GZF1: variants seen among roughly 807,000 people sequenced by gnomAD.
The protein encoded by GZF1 is GDNF inducible zinc finger protein 1, also known as GDNF-inducible zinc finger protein 1.
GZF1 carries 28 observed loss-of-function variants against 49.4 expected under a neutral mutation model. The observed-to-expected ratio is 0.57, with a 90% CI of 0.42 to 0.78. GZF1 has a LOEUF of 0.78. Among genes scored for constraint, GZF1 ranks in the 30% least tolerant of loss-of-function variants. The pLI is 0.00. For synonymous variants in GZF1, 364 were observed against 356.0 expected (o/e 1.02, Z -0.25); for missense variants, 798 against 916.2 (o/e 0.87, Z 1.67).
chr20:23,369,701 G>A lies in GZF1; in HGVS notation c.1745G>A (p.Arg582Gln), dbSNP rs773719615. The A allele has an allele frequency of 3.1e-6, 5 of 1,613,758 alleles. No homozygotes were observed. The highest frequency in any genetic ancestry group is 1.7e-5 in the Admixed American group (1 of 59,900). The change falls in exon 5 of 6, where the codon CGG becomes CAG. Residue 582 changes from arginine (R) to glutamine (Q), a missense_variant. By Grantham distance (43) the Arg-to-Gln change is conservative (BLOSUM62 1). Around this residue, in one of 3 missense-constraint regions of GZF1, gnomAD observed 446 missense variants for 540.1 expected, o/e 0.83. Coordinates refer to ENST00000338121, the MANE Select transcript of GZF1 (RefSeq NM_022482.5). ...CCATTCATGTGCAATGCGTGCGGAC[G>A]GACATTCACCGACAAGTCCACTCTT... is the stretch of plus-strand genomic sequence containing the variant. ...ERPFMCNACG[R>Q]TFTDKSTLRR...
At chr20:23,369,040 G>A (rs995360100) in intron 4 of GZF1, 111 bp downstream of exon 4, 91 of 890,210 alleles carry the variant, frequency 1.0e-4, no homozygotes, top group Middle Eastern at 2.3e-4. Flanking sequence ...AAGAAAACTG[G>A]CCAAACTTTG....
At chr20:23,369,317 A>G (rs1981787973) in intron 4 of GZF1, among the ~76,000 whole-genome samples, 1 of 152,226 alleles carries the variant, frequency 6.6e-6, no homozygotes, top group Non-Finnish European at 1.5e-5. Context: ...ATACTCCATT[A>G]CCATGGAAAA....
Position 23,365,158 on chromosome 20 carries a change from A to G in GZF1, c.775A>G (p.Arg259Gly), listed in dbSNP as rs770916261. The G allele has an allele frequency of 1.9e-6, 3 of 1,613,774 alleles. No individual in the cohort carries two copies. The South Asian group carries it at 3.3e-5, about 18-fold the overall frequency. ...TGCTGAGGGTGATGTGGGGGACTAC[A>G]GGTGTCCCCAGGACCAAAGCCCGGA... is the stretch of plus-strand genomic sequence containing the variant. Reference protein sequence around the residue: ...KTAEGDVGDYRCPQDQSPDRV... With the variant: ...KTAEGDVGDYGCPQDQSPDRV... The change falls in exon 2 of 6, where the codon AGG (arginine) becomes GGG (glycine). Residue 259 changes from arginine to glycine, a missense_variant. This residue lies in a region of GZF1 where 247 missense variants were observed against 228.5 expected (regional missense o/e 1.08). Transcript: ENST00000338121.
chr20:23,364,725 A>G lies in GZF1; in HGVS notation c.342A>G (p.Glu114=). The G allele has an allele frequency of 6.2e-7, 1 of 1,614,256 alleles. No individual in the cohort carries two copies. The highest frequency in any genetic ancestry group is 1.1e-5 in the South Asian group (1 of 91,086). Residue 114 remains glutamate (E), a synonymous_variant, in exon 2 of 6, where the codon GAA becomes GAG. Transcript: ENST00000338121. ...DRVQRMLEVA[E]KLKCLDLSET... ...TGCAGCGAATGCTGGAAGTGGCTGA[A>G]AAGCTGAAATGTTTGGATTTATCAG...
chr20:23,369,804 A>ATACC, intron 5 of GZF1, 63 bp downstream of exon 5: 1 of 1,523,732 alleles, frequency 6.6e-7, no homozygotes, highest in Non-Finnish European at 8.9e-7. Context: ...GGAAAGAGAA[A>ATACC]TACCTACCAC....
intron 1 of GZF1, chr20:23,362,903 TGA>T (rs999435215): frequency 2.6e-5 from 4 of 152,436 alleles, no homozygotes; most frequent in South Asian, 2.1e-4. Context: ...GGCATCAGGC[TGA>T]GAGAGCCCTC....
chr20:23,368,535 C>T (rs1245385180), intron 3 of GZF1, among the ~76,000 whole-genome samples: 2 of 152,134 alleles, frequency 1.3e-5, no homozygotes, highest in African/African-American at 2.4e-5. Flanking sequence ...TGATTCTAGT[C>T]AAATGGAATT....
Position 23,370,138 on chromosome 20 carries a change from T to C in GZF1, c.1833T>C (p.Asp611=). The C allele has an allele frequency of 6.2e-7, 1 of 1,614,268 alleles. No homozygotes were observed. The highest frequency in any genetic ancestry group is 8.5e-7 in the Non-Finnish European group (1 of 1,180,046). The change falls in exon 6 of 6, where the codon GAT becomes GAC. Residue 611 remains aspartate, a synonymous_variant. Transcript: ENST00000338121. ...TPWKSFLVIV[D]GSPKNDDGHK... ...GGAAGTCTTTCCTTGTCATTGTAGA[T>C]GGCTCGCCCAAGAACGATGACGGAC...
rs1325406413 is a variant in GZF1, at chr20:23,364,823, A to T, written c.440A>T (p.Gln147Leu). The T allele has an allele frequency of 6.2e-7, 1 of 1,614,246 alleles. No homozygotes were observed. Among genetic ancestry groups the T allele is most frequent in the Admixed American group, 1.7e-5 (1 of 60,032 alleles). The stretch of plus-strand genomic sequence containing the variant: ...GAGTTGCAAAATTTCTCAGAGTCTC[A>T]GGAGGTGGAGGTGAGCAGTGGCTCC... ...LLELQNFSES[Q>L]EVEVSSGSQV... The change falls in exon 2 of 6, where the codon CAG becomes CTG. Residue 147 changes from glutamine (Q) to leucine (L), a missense_variant. Gln to Leu is a moderately radical substitution (Grantham distance 113, BLOSUM62 -2). Around this residue, in one of 3 missense-constraint regions of GZF1, gnomAD observed 247 missense variants for 228.5 expected, o/e 1.08. Transcript: ENST00000338121.
intron 1 of GZF1, chr20:23,362,998 C>A (rs780125722): frequency 6.6e-6 from 1 of 152,330 alleles, no homozygotes; most frequent in African/African-American, 2.4e-5. Flanking sequence ...TAGATCCCTT[C>A]CTTAGGCTTT....
Position 23,364,356 on chromosome 20 carries a change from T to A in GZF1, c.-21-7T>A, listed in dbSNP as rs763847181. 5 of 1,506,670 alleles carry A rather than the reference T, an allele frequency of 3.3e-6. No homozygotes were observed. The highest frequency in any genetic ancestry group is 4.5e-6 in the Non-Finnish European group (5 of 1,119,172). 93.3% of individuals were successfully genotyped at this position (1,506,670 alleles called of 1,614,324 possible). A position where few individuals can be genotyped will look rare whatever the true frequency, so the allele number is the denominator to read the frequency against. On this transcript the variant is annotated splice_polypyrimidine_tract_variant and splice_region_variant and intron_variant, in intron 1 of 5. Coordinates refer to ENST00000338121, the MANE Select transcript of GZF1 (RefSeq NM_022482.5). ...GCTCATGCATAATTCTTGTTTCTTTTTCAAAGCTGTTTTTGGAAGGAAGAA... is the reference window on the plus strand; with the variant it reads ...GCTCATGCATAATTCTTGTTTCTTTATCAAAGCTGTTTTTGGAAGGAAGAA...
Position 23,365,439 on chromosome 20 carries a change from C to G in GZF1, c.1056C>G (p.Thr352=), listed in dbSNP as rs367787556. The change falls in exon 2 of 6, where the codon ACC becomes ACG. Residue 352 remains threonine (T), a synonymous_variant. Transcript: ENST00000338121. The part of the protein sequence containing the change: ...VATEVVYRCD[T]CGQTFANRCN... ...CCGAGGTGGTGTACCGCTGCGACACCTGCGGCCAGACCTTCGCCAACCGCT... is the reference window on the plus strand; with the variant it reads ...CCGAGGTGGTGTACCGCTGCGACACGTGCGGCCAGACCTTCGCCAACCGCT... The G allele has an allele frequency of 1.0e-4, 166 of 1,613,668 alleles. No homozygotes were observed. The highest frequency in any genetic ancestry group is 1.4e-4 in the Non-Finnish European group (160 of 1,180,062).
At chr20:23,366,526 A>G (rs574183609) in intron 2 of GZF1, among the ~76,000 whole-genome samples, 1 of 152,222 alleles carries the variant, frequency 6.6e-6, no homozygotes, top group Non-Finnish European at 1.5e-5. Flanking sequence ...TAAAAATGCC[A>G]CCTTCGGCAA....
chr20:23,364,840 A>G lies in GZF1; in HGVS notation c.457A>G (p.Ser153Gly), dbSNP rs1237451520. 6.2e-7 allele frequency: 1 copy of G among 1,614,246 alleles called. No individual in the cohort carries two copies. Among genetic ancestry groups the G allele is most frequent in the Non-Finnish European group, 8.5e-7 (1 of 1,180,052 alleles). Reference sequence around the variant, plus strand: ...AGAGTCTCAGGAGGTGGAGGTGAGCAGTGGCTCCCAAGTTAGTGCTGCTCC... The same window carrying G: ...AGAGTCTCAGGAGGTGGAGGTGAGCGGTGGCTCCCAAGTTAGTGCTGCTCC... Reference protein sequence around the residue: ...FSESQEVEVSSGSQVSAAPAP... With the variant: ...FSESQEVEVSGGSQVSAAPAP... The change falls in exon 2 of 6, where the codon AGT becomes GGT. Residue 153 changes from serine (S) to glycine (G), a missense_variant. Ser to Gly is a moderately conservative substitution (Grantham distance 56, BLOSUM62 0). Coordinates refer to ENST00000338121, the MANE Select transcript of GZF1 (RefSeq NM_022482.5).
upstream of GZF1, among the ~76,000 whole-genome samples, chr20:23,361,579 C>T (rs952706176): frequency 2.6e-5 from 4 of 152,040 alleles, no homozygotes; most frequent in Admixed American, 2.6e-4. Flanking sequence ...GGAAGAAGCG[C>T]CCCAGAGGAG....
rs1472489668 is a variant in GZF1, at chr20:23,371,039, TAAAC to T, written c.*602_*605del. 6.5e-6 allele frequency: 1 copy of T among 153,250 alleles called. No individual in the cohort carries two copies. The highest frequency in any genetic ancestry group is 6.5e-5 in the Admixed American group (1 of 15,282). The allele number at this position is 153,250 out of a possible 1,614,324, so 9.5% of individuals were successfully genotyped here. On this transcript the variant is annotated 3_prime_UTR_variant, in exon 6 of 6. Transcript: ENST00000338121. ...CTCCCCACCCCCCATTTGTAGGCAG[TAAAC>T]AAAGTATGACTGACAGATTGAACAC...
At chr20:23,363,922 C>T (rs930514821) in intron 1 of GZF1, among the ~76,000 whole-genome samples, 1 of 152,174 alleles carries the variant, frequency 6.6e-6, no homozygotes, top group Non-Finnish European at 1.5e-5. Flanking sequence ...AGAAATGATT[C>T]CCTGAGGTTT....
chr20:23,370,703 G>A lies in GZF1; in HGVS notation c.*262G>A. 4.4e-6 allele frequency: 2 copies of A among 459,524 alleles called. No individual in the cohort carries two copies. Among genetic ancestry groups the A allele is most frequent in the South Asian group, 2.5e-5 (1 of 40,726 alleles). 28.5% of individuals were successfully genotyped at this position (459,524 alleles called of 1,614,324 possible). A position where few individuals can be genotyped will look rare whatever the true frequency, so the allele number is the denominator to read the frequency against. ...TAACCTCACTTAATTCTGGTGTAGGGTGTATGTGCTAATCGTTCTAATTCT... is the reference window on the plus strand; with the variant it reads ...TAACCTCACTTAATTCTGGTGTAGGATGTATGTGCTAATCGTTCTAATTCT... On this transcript the variant is annotated 3_prime_UTR_variant, in exon 6 of 6. Coordinates refer to ENST00000338121, the MANE Select transcript of GZF1 (RefSeq NM_022482.5).
In GZF1 at chr20:23,365,686, T is replaced by A; in HGVS notation, c.1303T>A (p.Tyr435Asn). ...HERTHTGDRP[Y>N]GCTECGARFS... ...GCGCACACACACGGGAGACCGGCCC[T>A]ACGGCTGCACCGAGTGCGGCGCCAG... The change falls in exon 2 of 6, where the codon TAC (tyrosine) becomes AAC (asparagine). Residue 435 changes from tyrosine (Y) to asparagine (N), a missense_variant. Physicochemically the swap from Tyr to Asn is moderately radical, Grantham distance 143. Coordinates refer to ENST00000338121, the MANE Select transcript of GZF1 (RefSeq NM_022482.5). The A allele has an allele frequency of 6.3e-7, 1 of 1,589,682 alleles. No individual in the cohort carries two copies. The highest frequency in any genetic ancestry group is 1.1e-5 in the South Asian group (1 of 90,234).
Sources: allele counts gnomAD v4.1 joint callset (sites outside exome capture counted in the v4.1 genomes callset), GRCh38; gene constraint gnomAD v4.1.1; regional missense constraint gnomAD v4.1.1; transcripts MANE v1.5; gene names NCBI Gene and HGNC (gene_info 2026-07-23, HGNC 2026-07-21).